PFKFB3: variants seen among roughly 807,000 people sequenced by gnomAD.
PFKFB3 encodes the protein 6-phosphofructo-2-kinase/fructose-2,6-bisphosphatase 3.
Under a neutral mutation model 68.0 loss-of-function variants are expected in PFKFB3, and 33 were observed. The observed-to-expected ratio is 0.49, with a 90% confidence interval of 0.37 to 0.65. The LOEUF is 0.65. PFKFB3 is among the 30% of genes least tolerant of loss of function. The pLI is 0.00. For missense variants in PFKFB3, 586 were observed against 712.2 expected, an observed-to-expected ratio of 0.82 and a Z score of 2.02; for synonymous variants, 315 against 288.2, an observed-to-expected ratio of 1.09 and a Z score of -0.94.
In PFKFB3 at chr10:6,160,670, A is replaced by G. The variant is rs531482988; in HGVS notation, c.16+15657A>G. ...GAGGTGGAGGCTGCAGTGAGCTGAG[A>G]TCTCGCCATTGCATTCCAGCCTGGG... On this transcript the variant is annotated intron_variant, in intron 1 of 14. Coordinates refer to the PFKFB3 transcript ENST00000379789. Among the ~76,000 whole-genome samples the G allele has an allele frequency of 2.2e-5, 3 of 138,786 alleles. No individual in the cohort carries two copies. The East Asian group carries it at 6.8e-4, about 31-fold the overall frequency. The allele number at this position is 138,786 out of a possible 152,430, so 91.0% of individuals were successfully genotyped here.
At chr10:6,276,868 A>G in the PFKFB3 span, among the ~76,000 whole-genome samples, 1 of 57,664 alleles carries the variant, frequency 1.7e-5, no homozygotes, top group African/African-American at 4.5e-5. Context: ...GTGTGTGTGT[A>G]GTTGTAGGCA....
intron 1 of PFKFB3, among the ~76,000 whole-genome samples, chr10:6,205,724 C>T (rs917759767): frequency 2.6e-5 from 4 of 152,058 alleles, no homozygotes; most frequent in Non-Finnish European, 5.9e-5. Flanking sequence ...AACTTGTTGC[C>T]ACCTTTATAA....
chr10:6,266,222 G>A, the PFKFB3 span, among the ~76,000 whole-genome samples: 1 of 152,020 alleles, frequency 6.6e-6, no homozygotes, highest in African/African-American at 2.4e-5. Flanking sequence ...TTTATTTTAT[G>A]GATTCATTGA....
intron 1 of PFKFB3, among the ~76,000 whole-genome samples, chr10:6,171,225 T>C (rs1238781308): frequency 1.3e-5 from 2 of 151,856 alleles, no homozygotes; most frequent in Admixed American, 1.3e-4. Flanking sequence ...CTGGCTAATT[T>C]TGTATTTTTA....
Position 6,210,414 on chromosome 10 carries a change from G to T in PFKFB3, c.77-3209G>T, listed in dbSNP as rs1430961045. ...TTCGCTCTGTCACCCAGGCTGGAGT[G>T]CAGTGGCGCTATCTCGGCTCACTGC... On this transcript the variant is annotated intron_variant, in intron 1 of 14. Transcript: ENST00000379775. 2.7e-4 allele frequency among the ~76,000 whole-genome samples: 26 copies of T among 95,402 alleles called. 4 individuals carry two copies. The highest frequency in any genetic ancestry group is 3.1e-5 in the African/African-American group (1 of 32,144). The allele number at this position is 95,402 out of a possible 152,430, so 62.6% of individuals were successfully genotyped here. A position where few individuals can be genotyped will look rare whatever the true frequency, so the allele number is the denominator to read the frequency against.
the PFKFB3 span, among the ~76,000 whole-genome samples, chr10:6,305,537 C>T: frequency 6.6e-6 from 1 of 152,188 alleles, no homozygotes; most frequent in Admixed American, 6.5e-5. Flanking sequence ...CATGCTTAGC[C>T]GTTCCTTGCA....
the PFKFB3 span, among the ~76,000 whole-genome samples, chr10:6,263,498 G>C: frequency 6.6e-6 from 1 of 152,178 alleles, no homozygotes; most frequent in Non-Finnish European, 1.5e-5. Flanking sequence ...CTGCCCAGGT[G>C]ATGGTAACAG....
rs530094004 is a variant in PFKFB3 at position 6,184,214 on chromosome 10, G to A, written c.17-29409G>A. On this transcript the variant is annotated intron_variant, in intron 1 of 14. Transcript: ENST00000379789. ...GTTGTAGGTGCCCACCACCACGCCC[G>A]GTTAATTTTTGTATTTTTAGTAGAG... is the stretch of plus-strand genomic sequence containing the variant. 2.7e-3 allele frequency among the ~76,000 whole-genome samples: 412 copies of A among 151,472 alleles called. 3 individuals are homozygous for A. The highest frequency in any genetic ancestry group is 8.3e-3 in the African/African-American group (341 of 41,256).
intron 14 of PFKFB3, among the ~76,000 whole-genome samples, chr10:6,242,829 C>T (rs1052971034): frequency 3.9e-5 from 6 of 152,206 alleles, no homozygotes; most frequent in Non-Finnish European, 8.8e-5. Context: ...CTGAGGTGAT[C>T]CGCCCACCTC....
intron 1 of PFKFB3, among the ~76,000 whole-genome samples, chr10:6,206,887 C>G (rs1843790843): frequency 7.5e-6 from 1 of 133,378 alleles, no homozygotes; most frequent in Non-Finnish European, 1.6e-5. Context: ...ACTGGGCAGC[C>G]AGGCAGAGGG....
chr10:6,145,071 G>A, intron 1 of PFKFB3: 2 of 1,265,402 alleles, frequency 1.6e-6, no homozygotes, highest in Non-Finnish European at 2.0e-6. Flanking sequence ...CTGAGCGGCC[G>A]CCTGTGGGTA....
At chr10:6,246,697 G>A (rs191278853) in intron 14 of PFKFB3, among the ~76,000 whole-genome samples, 362 of 152,222 alleles carry the variant, frequency 2.4e-3, no homozygotes, top group Admixed American at 5.9e-3. Context: ...TTGGAGGGGA[G>A]ATGTGCAGGT....
intron 1 of PFKFB3, among the ~76,000 whole-genome samples, chr10:6,205,045 G>T (rs954136193): frequency 2.0e-5 from 3 of 152,184 alleles, no homozygotes; most frequent in Non-Finnish European, 4.4e-5. Context: ...CGTCTCACAC[G>T]CAGTGAGAGA....
At chr10:6,183,745 T>G (rs1842789166) in intron 1 of PFKFB3, among the ~76,000 whole-genome samples, 1 of 151,096 alleles carries the variant, frequency 6.6e-6, no homozygotes. Context: ...TGGAGTGCAG[T>G]GGCGTGATCT....
the PFKFB3 span, among the ~76,000 whole-genome samples, chr10:6,276,534 A>G: frequency 6.6e-6 from 1 of 152,192 alleles, no homozygotes. Context: ...AATAACTCCA[A>G]TTTGGGGTCG....
the PFKFB3 span, among the ~76,000 whole-genome samples, chr10:6,263,451 A>T: frequency 6.6e-6 from 1 of 152,192 alleles, no homozygotes. Context: ...TTTTGGGGCC[A>T]GTTTATGGCC....
chr10:6,267,954 C>CTAA, the PFKFB3 span, among the ~76,000 whole-genome samples: 1 of 85,912 alleles, frequency 1.2e-5, no homozygotes, highest in African/African-American at 4.5e-5. Flanking sequence ...GACCCTATCT[C>CTAA]AAAAAAAAAA....
chr10:6,312,681 C>T, the PFKFB3 span, among the ~76,000 whole-genome samples: 56 of 152,278 alleles, frequency 3.7e-4, no homozygotes, highest in Middle Eastern at 6.8e-3. Context: ...TAAGGTTTCA[C>T]ATTAGCAGAT....
chr10:6,209,814 G>T (rs1294600689), intron 1 of PFKFB3, among the ~76,000 whole-genome samples: 12 of 137,438 alleles, frequency 8.7e-5, no homozygotes, highest in South Asian at 4.5e-4. Context: ...ACCCAGACTG[G>T]AGTGCAGTGG....
Sources: gnomAD v4.1 joint callset for allele counts (sites outside exome capture counted in the v4.1 genomes callset) on GRCh38, gnomAD v4.1.1 for gene constraint, MANE v1.5 for transcripts, NCBI Gene and HGNC (gene_info 2026-07-23, HGNC 2026-07-21) for gene names.